Variants in ATP8A2 observed in about 807,000 individuals in gnomAD.
The protein encoded by ATP8A2 is phospholipid-transporting ATPase IB.
Under a neutral mutation model 165.6 loss-of-function variants are expected in ATP8A2, and 100 were observed. That is an observed-to-expected ratio of 0.60 (90% CI 0.51 to 0.71). ATP8A2 has a LOEUF of 0.71. Among genes scored for constraint, ATP8A2 ranks in the 30% least tolerant of loss-of-function variants. The pLI is 0.00. For synonymous variants in ATP8A2, 543 were observed against 548.8 expected, an observed-to-expected ratio of 0.99 and a Z score of 0.15; for missense variants, 1,227 against 1,479.5, an observed-to-expected ratio of 0.83 and a Z score of 2.80.
chr13:25,875,268 C>T (rs745731422), intron 33 of ATP8A2, among the ~76,000 whole-genome samples: 1 of 149,320 alleles, frequency 6.7e-6, no homozygotes, highest in Non-Finnish European at 1.5e-5. Flanking sequence ...TAAAAATGTA[C>T]GTTTGTGTGA....
intron 27 of ATP8A2, among the ~76,000 whole-genome samples, chr13:25,815,694 C>T (rs1950998821): frequency 6.6e-6 from 1 of 151,994 alleles, no homozygotes; most frequent in South Asian, 2.1e-4. Flanking sequence ...GGTATATATC[C>T]CAGAGAATTG....
chr13:25,829,554 G>T (rs1176733110), intron 28 of ATP8A2, among the ~76,000 whole-genome samples: 2 of 150,848 alleles, frequency 1.3e-5, no homozygotes, highest in East Asian at 2.0e-4. Flanking sequence ...GTGCTTGAAA[G>T]GGTCAGGTAT....
intron 24 of ATP8A2, among the ~76,000 whole-genome samples, chr13:25,607,247 A>T (rs967108103): frequency 1.3e-5 from 2 of 152,190 alleles, no homozygotes; most frequent in Admixed American, 6.5e-5. Context: ...ACAGTTGGGG[A>T]CTGCTGCCCT....
At chr13:25,936,087 G>T (rs1414536078) in intron 33 of ATP8A2, among the ~76,000 whole-genome samples, 2 of 152,176 alleles carry the variant, frequency 1.3e-5, no homozygotes, top group Non-Finnish European at 2.9e-5. Context: ...AGTACCCAGA[G>T]TCCTATAATC....
chr13:25,554,928 T>G (rs1566261026), intron 12 of ATP8A2, 63 bp from the exon 13 acceptor site: 3 of 1,044,574 alleles, frequency 2.9e-6, no homozygotes, highest in Non-Finnish European at 4.4e-6. Context: ...TCTGTGTTAA[T>G]CTGAATGAAG....
intron 33 of ATP8A2, among the ~76,000 whole-genome samples, chr13:25,913,667 G>A (rs925404092): frequency 2.0e-5 from 3 of 152,158 alleles, no homozygotes; most frequent in African/African-American, 4.8e-5. Flanking sequence ...TTGATCTGGC[G>A]AATAAGTTCA....
intron 27 of ATP8A2, among the ~76,000 whole-genome samples, chr13:25,821,619 G>A (rs1951183875): frequency 6.6e-6 from 1 of 152,190 alleles, no homozygotes; most frequent in Admixed American, 6.5e-5. Flanking sequence ...ACAAACATCT[G>A]TTAGAAACAA....
intron 33 of ATP8A2, among the ~76,000 whole-genome samples, chr13:25,937,431 G>T (rs1455534269): frequency 7.4e-6 from 1 of 135,828 alleles, no homozygotes; most frequent in African/African-American, 2.7e-5. Flanking sequence ...GAAAGAAAAG[G>T]CTAATTATTG....
At chr13:25,531,177 ATATATATGTTATATATGT>A in intron 4 of ATP8A2, among the ~76,000 whole-genome samples, 1 of 91,640 alleles carries the variant, frequency 1.1e-5, no homozygotes, top group Non-Finnish European at 2.5e-5. Flanking sequence ...GTTATATGAT[ATATATATGTTATATATGT>A]TATATATGAT....
At chr13:25,488,872 A>C (rs1404740559) in intron 2 of ATP8A2, among the ~76,000 whole-genome samples, 19 of 87,778 alleles carry the variant, frequency 2.2e-4, no homozygotes, top group Admixed American at 3.8e-4. Flanking sequence ...TGACTCCCCC[A>C]CCCCCCACCC....
At chr13:25,811,990 T>G (rs1404262279) in intron 27 of ATP8A2, among the ~76,000 whole-genome samples, 1 of 152,168 alleles carries the variant, frequency 6.6e-6, no homozygotes, top group East Asian at 1.9e-4. Context: ...CAGGTGAGGA[T>G]TTCCCTCTCT....
At chr13:25,440,090 G>T (rs757053478) in intron 1 of ATP8A2, among the ~76,000 whole-genome samples, 3 of 152,000 alleles carry the variant, frequency 2.0e-5, no homozygotes, top group Non-Finnish European at 4.4e-5. Context: ...GGGGGTGCTA[G>T]TGTTGGCGTA....
intron 2 of ATP8A2, among the ~76,000 whole-genome samples, chr13:25,493,627 G>A (rs1349940185): frequency 1.3e-5 from 2 of 152,204 alleles, no homozygotes; most frequent in African/African-American, 4.8e-5. Flanking sequence ...ATCCAGAGAA[G>A]TTAAATATGC....
At chr13:25,887,565 T>C (rs1953197463) in intron 33 of ATP8A2, among the ~76,000 whole-genome samples, 1 of 152,220 alleles carries the variant, frequency 6.6e-6, no homozygotes, top group Admixed American at 6.5e-5. Flanking sequence ...CTTGAGCTCC[T>C]GACTTCGTGA....
At chr13:25,410,367 G>A (rs1195790589) in intron 1 of ATP8A2, among the ~76,000 whole-genome samples, 9 of 152,248 alleles carry the variant, frequency 5.9e-5, no homozygotes, top group Non-Finnish European at 7.4e-5. Flanking sequence ...AGCCCCAGTG[G>A]CATCTATTCC....
intron 1 of ATP8A2, among the ~76,000 whole-genome samples, chr13:25,404,145 C>G (rs2033724787): frequency 6.6e-6 from 1 of 152,090 alleles, no homozygotes. Context: ...AGGAAGCACA[C>G]AGGAAAATCA....
chr13:25,708,182 C>A (rs1412972198), intron 25 of ATP8A2, among the ~76,000 whole-genome samples: 2 of 152,164 alleles, frequency 1.3e-5, no homozygotes, highest in East Asian at 3.8e-4. Context: ...TAATATTTGG[C>A]ATCTTTCCTA....
intron 2 of ATP8A2, among the ~76,000 whole-genome samples, chr13:25,486,517 T>C (rs1280332941): frequency 6.6e-6 from 1 of 152,208 alleles, no homozygotes; most frequent in Non-Finnish European, 1.5e-5. Flanking sequence ...ATTTTGATAT[T>C]TTGAGATACA....
intron 16 of ATP8A2, among the ~76,000 whole-genome samples, chr13:25,568,786 A>G (rs2039388463): frequency 6.6e-6 from 1 of 152,216 alleles, no homozygotes; most frequent in Non-Finnish European, 1.5e-5. Context: ...TTACCACAAT[A>G]CAAATTTTTA....
Sources: gnomAD v4.1 joint callset for allele counts (sites outside exome capture counted in the v4.1 genomes callset) on GRCh38, gnomAD v4.1.1 for gene constraint, MANE v1.5 for transcripts, NCBI Gene and HGNC (gene_info 2026-07-23, HGNC 2026-07-21) for gene names.